The following SMG5 variants were observed in gnomAD, a reference collection of about 807,000 sequenced individuals.
SMG5 encodes SMG5 nonsense mediated mRNA decay factor, also known as nonsense-mediated mRNA decay factor SMG5.
SMG5 carries 53 observed loss-of-function variants against 122.9 expected under a neutral mutation model. That is an observed-to-expected ratio of 0.43 (90% CI 0.35 to 0.54). The LOEUF is 0.54. Among genes scored for constraint, SMG5 ranks in the 20% least tolerant of loss-of-function variants. SMG5 has a pLI of 0.01. For synonymous variants in SMG5, 477 were observed against 490.2 expected (o/e 0.97, Z 0.35); for missense variants, 1,153 against 1,285.6 (o/e 0.90, Z 1.58).
Position 156,282,762 on chromosome 1 carries a change from G to T in SMG5, c.-82C>A. The T allele has an allele frequency of 7.1e-7, 1 of 1,409,616 alleles. No individual in the cohort carries two copies. Among genetic ancestry groups the T allele is most frequent in the Non-Finnish European group, 9.5e-7 (1 of 1,054,206 alleles). 87.3% of individuals were successfully genotyped at this position (1,409,616 alleles called of 1,614,324 possible). A position where few individuals can be genotyped will look rare whatever the true frequency, so the allele number is the denominator to read the frequency against. On this transcript the variant is annotated 5_prime_UTR_variant, in exon 1 of 22. Transcript: ENST00000361813. ...GCCAACACTGCCGTCTCCGGCCGTA[G>T]CCGCAGCCGCCGCCGCCACCGGCCC...
At chr1:156,285,227 A>G, upstream of SMG5, 1 of 1,527,128 alleles carries the variant, frequency 6.5e-7, no homozygotes. Context: ...AGGCCCCAGG[A>G]TGACAGAACA....
chr1:156,269,159 G>A (rs1384920688), intron 7 of SMG5, among the ~76,000 whole-genome samples: 3 of 151,990 alleles, frequency 2.0e-5, no homozygotes, highest in Admixed American at 6.6e-5. Context: ...TAGTAGAGAC[G>A]GGGTTTCACC....
intron 21 of SMG5, 36 bp downstream of exon 21, chr1:156,250,822 A>G (rs1479622552): frequency 6.2e-7 from 1 of 1,612,172 alleles, no homozygotes; most frequent in Admixed American, 1.7e-5. Context: ...CCTCGTCCCT[A>G]TTCCACACCA....
chr1:156,280,675 C>A lies in SMG5; in HGVS notation c.75-1641G>T, dbSNP rs142390189. On this transcript the variant is annotated intron_variant, in intron 1 of 21. Transcript: ENST00000361813. ...ACAAGCTCCACAGCTCTCCTTATAT[C>A]CTTAATCCAAAAGAAGGTAAATAAC... Among the ~76,000 whole-genome samples, 878 of 152,272 alleles carry A rather than the reference C, an allele frequency of 5.8e-3. 4 individuals are homozygous for A. The highest frequency in any genetic ancestry group is 0.034 in the Middle Eastern group (10 of 294).
At chr1:156,258,869 GC>G in intron 16 of SMG5, 135 bp downstream of exon 16, 1 of 1,048,706 alleles carries the variant, frequency 9.5e-7, no homozygotes, top group Non-Finnish European at 1.3e-6. Context: ...CTCCCTCCCA[GC>G]CTCCCCTCCC....
At chr1:156,252,574 G>C in intron 18 of SMG5, 70 bp from the exon 19 acceptor site, 1 of 1,493,316 alleles carries the variant, frequency 6.7e-7, no homozygotes, top group Non-Finnish European at 9.3e-7. Context: ...TCTGGAGGAA[G>C]TATCTGAGCT....
chr1:156,291,192 A>G, the SMG5 span: 1 of 573,356 alleles, frequency 1.7e-6, no homozygotes, highest in Non-Finnish European at 3.1e-6. Context: ...GGGAAGTCAA[A>G]TCAATCACTT....
At chr1:156,286,788 CT>C (rs1238589147), upstream of SMG5, among the ~76,000 whole-genome samples, 2 of 152,232 alleles carry the variant, frequency 1.3e-5, no homozygotes, top group African/African-American at 2.4e-5. Flanking sequence ...TGAACACCCC[CT>C]GTAACCAAAT....
At position 156,252,803 on chromosome 1, in the gene SMG5, G is replaced by GT. The variant is rs1278395693; in HGVS notation, c.2662+115dup. On this transcript the variant is annotated intron_variant, in intron 18 of 21. Transcript: ENST00000361813. ...ATGAAGTGACGGGTTCACAAAGGTA[G>GT]TAAGACTTGACCAAGGTTACTGCAT... 4.0e-5 allele frequency: 46 copies of GT among 1,142,660 alleles called. 1 individual carries two copies. Among genetic ancestry groups the GT allele is most frequent in the Non-Finnish European group, 5.1e-5 (42 of 828,456 alleles). 70.8% of individuals were successfully genotyped at this position (1,142,660 alleles called of 1,614,324 possible).
Position 156,273,392 on chromosome 1 carries a change from G to C in SMG5, c.603C>G (p.Tyr201Ter). The change falls in exon 6 of 22, where the codon TAC (tyrosine) becomes TAG (stop). Residue 201 changes from tyrosine to a stop codon, truncating the protein, a stop_gained. Transcript: ENST00000361813. LOFTEE classifies it high-confidence loss of function. ...GAGGAGCTACTGACAGGGCTTGGTA[G>C]TAAAATCTCTCGGCTAGCAGCTCGG... is the stretch of plus-strand genomic sequence containing the variant. ...VDTELLAERFYYQALSVAPQI... is the reference protein window; with the variant it reads ...VDTELLAERF The C allele has an allele frequency of 6.2e-7, 1 of 1,613,982 alleles. No individual in the cohort carries two copies. Among genetic ancestry groups the C allele is most frequent in the Non-Finnish European group, 8.5e-7 (1 of 1,179,986 alleles).
chr1:156,265,951 C>T lies in SMG5; in HGVS notation c.1685G>A (p.Ser562Asn). The T allele has an allele frequency of 2.5e-6, 4 of 1,614,174 alleles. No individual in the cohort carries two copies. Among genetic ancestry groups the T allele is most frequent in the Non-Finnish European group, 3.4e-6 (4 of 1,180,016 alleles). ...LNGPLGPSEASIASNLQAMST... is the reference protein window; with the variant it reads ...LNGPLGPSEANIASNLQAMST... ...CATGGCTTGTAGATTGCTGGCAATG[C>T]TAGCCTCACTGGGGCCCAGTGGGCC... Residue 562 changes from serine (S) to asparagine (N), a missense_variant, in exon 12 of 22, where the codon AGC (serine) becomes AAC (asparagine). Ser to Asn is a conservative substitution (Grantham distance 46, BLOSUM62 1). Coordinates refer to ENST00000361813, the MANE Select transcript of SMG5 (RefSeq NM_015327.3).
At chr1:156,253,576 C>T in intron 16 of SMG5, 68 bp from the exon 17 acceptor site, 1 of 1,475,394 alleles carries the variant, frequency 6.8e-7, no homozygotes, top group South Asian at 1.1e-5. Context: ...TCAGGAAGAC[C>T]AAGAGGGTTT....
At chr1:156,277,262 G>T (rs1462195879) in intron 3 of SMG5, 21 bp from the exon 4 acceptor site, 2 of 1,609,078 alleles carry the variant, frequency 1.2e-6, no homozygotes, top group South Asian at 1.1e-5. Context: ...CGAAAGGGAA[G>T]GGGCTGGTTA....
intron 1 of SMG5, among the ~76,000 whole-genome samples, chr1:156,279,740 G>A (rs1463585079): frequency 6.6e-6 from 1 of 152,174 alleles, no homozygotes; most frequent in African/African-American, 2.4e-5. Context: ...ATTCTACTAT[G>A]GAATTGTGGG....
At position 156,274,671 on chromosome 1, in the gene SMG5, A is replaced by C. The variant is rs202211627; in HGVS notation, c.470T>G (p.Val157Gly). The stretch of plus-strand genomic sequence containing the variant: ...ATCCATCTCCTTCCCTGAGGCAGAC[A>C]CTGGCTTCTTGCATCCTATGAGACA... ...TDPLIGCKKP[V>G]SASGKEMDWA... Residue 157 changes from valine to glycine, a missense_variant, in exon 5 of 22, where the codon GTG becomes GGG. Val to Gly is a moderately radical substitution (Grantham distance 109). This residue lies in a region of SMG5 where 213 missense variants were observed against 197.5 expected (regional missense o/e 1.08). Coordinates refer to ENST00000361813, the MANE Select transcript of SMG5 (RefSeq NM_015327.3). The C allele has an allele frequency of 5.5e-5, 88 of 1,613,752 alleles. 1 individual carries two copies. The Middle Eastern group carries it at 6.6e-4, about 12-fold the overall frequency.
At chr1:156,279,130 AGCGGTGAGGG>A in intron 1 of SMG5, 96 bp from the exon 2 acceptor site, 1 of 1,042,622 alleles carries the variant, frequency 9.6e-7, no homozygotes. Context: ...CTACAGAATT[AGCGGTGAGGG>A]AAAAAGGAGA....
chr1:156,270,028 A>C (rs1662336770), intron 7 of SMG5, among the ~76,000 whole-genome samples: 1 of 152,156 alleles, frequency 6.6e-6, no homozygotes, highest in Admixed American at 6.6e-5. Flanking sequence ...CGACAGAGCA[A>C]GACTCTGTCT....
intron 7 of SMG5, among the ~76,000 whole-genome samples, chr1:156,270,088 T>C (rs1662339716): frequency 6.6e-6 from 1 of 152,170 alleles, no homozygotes; most frequent in African/African-American, 2.4e-5. Flanking sequence ...TCATGACATT[T>C]TGTGTCGTTT....
In SMG5 at chr1:156,250,488, G is replaced by T; in HGVS notation, c.*99C>A. 1 of 1,049,116 alleles carries T rather than the reference G, an allele frequency of 9.5e-7. No homozygotes were observed. Among genetic ancestry groups the T allele is most frequent in the Non-Finnish European group, 1.5e-6 (1 of 673,878 alleles). 65.0% of individuals were successfully genotyped at this position (1,049,116 alleles called of 1,614,324 possible). A position where few individuals can be genotyped will look rare whatever the true frequency, so the allele number is the denominator to read the frequency against. On this transcript the variant is annotated 3_prime_UTR_variant, in exon 22 of 22. Coordinates refer to ENST00000361813, the MANE Select transcript of SMG5 (RefSeq NM_015327.3). The stretch of plus-strand genomic sequence containing the variant: ...GCCTCCCTCCTGTGTGCGTGCATGA[G>T]TCTGCGTGTGGTGGGGTGACTACAG...
Sources: allele counts gnomAD v4.1 joint callset (sites outside exome capture counted in the v4.1 genomes callset), GRCh38; gene constraint gnomAD v4.1.1; regional missense constraint gnomAD v4.1.1; transcripts MANE v1.5; gene names NCBI Gene and HGNC (gene_info 2026-07-23, HGNC 2026-07-21).